The following RERE variants were observed in gnomAD, a reference collection of about 807,000 sequenced individuals.
The protein encoded by RERE is arginine-glutamic acid dipeptide repeats.
In RERE, 40 loss-of-function variants were observed where a neutral mutation model predicts 146.1. The observed-to-expected ratio is 0.27, with a 90% CI of 0.21 to 0.36. The LOEUF (loss-of-function observed/expected upper bound fraction) is 0.36. Ranked by LOEUF, RERE falls within the 10% of genes least tolerant of loss-of-function variation. The pLI is 1.00. For synonymous variants in RERE, 1,003 were observed against 866.0 expected (o/e 1.16, Z -2.78); for missense variants, 1,933 against 2,138.7 (o/e 0.90, Z 1.90).
intron 11 of RERE, among the ~76,000 whole-genome samples, chr1:8,464,464 C>T (rs549194179): frequency 9.5e-4 from 144 of 152,318 alleles, no homozygotes; most frequent in African/African-American, 2.3e-3. Context: ...CCGGACTCAG[C>T]GGCCAGTGTG....
intron 11 of RERE, among the ~76,000 whole-genome samples, chr1:8,433,788 C>T (rs1388321347): frequency 1.3e-5 from 2 of 151,588 alleles, no homozygotes; most frequent in Non-Finnish European, 1.5e-5. Flanking sequence ...TCTCGATCTC[C>T]TGACCTCATG....
At chr1:8,357,872 C>T (rs1452925605) in intron 20 of RERE, among the ~76,000 whole-genome samples, 1 of 152,242 alleles carries the variant, frequency 6.6e-6, no homozygotes, top group African/African-American at 2.4e-5. Context: ...CCAAAGGCCA[C>T]ATGACACTGC....
At chr1:8,396,980 G>C (rs551246002) in intron 12 of RERE, among the ~76,000 whole-genome samples, 11 of 152,342 alleles carry the variant, frequency 7.2e-5, no homozygotes, top group African/African-American at 2.6e-4. Context: ...TCTACCACGT[G>C]ACTGTATACA....
intron 2 of RERE, among the ~76,000 whole-genome samples, chr1:8,625,380 A>C (rs1026083879): frequency 3.9e-5 from 6 of 152,220 alleles, no homozygotes; most frequent in Non-Finnish European, 8.8e-5. Context: ...TAAGATCATC[A>C]TAAAGCTTAG....
intron 1 of RERE, among the ~76,000 whole-genome samples, chr1:8,811,376 G>A (rs924988513): frequency 2.6e-5 from 4 of 152,188 alleles, no homozygotes; most frequent in African/African-American, 9.7e-5. Context: ...GGTGGCCAAG[G>A]TAGGAGGATC....
intron 12 of RERE, among the ~76,000 whole-genome samples, chr1:8,379,442 C>T (rs1362286877): frequency 6.6e-6 from 1 of 152,202 alleles, no homozygotes; most frequent in East Asian, 1.9e-4. Flanking sequence ...GGGTTCCTCA[C>T]ATCAACAGAC....
At chr1:8,501,879 G>A (rs1425693432) in intron 8 of RERE, among the ~76,000 whole-genome samples, 1 of 113,464 alleles carries the variant, frequency 8.8e-6, no homozygotes, top group Admixed American at 8.8e-5. Context: ...CCGTCCGGGA[G>A]GCAGGTGGGG....
chr1:8,800,313 T>C (rs1485394402), intron 1 of RERE, among the ~76,000 whole-genome samples: 1 of 152,008 alleles, frequency 6.6e-6, no homozygotes, highest in African/African-American at 2.4e-5. Flanking sequence ...TTGCAGTCTT[T>C]AAAGAGTAAA....
At chr1:8,597,951 C>A (rs1646575733) in intron 4 of RERE, among the ~76,000 whole-genome samples, 1 of 151,966 alleles carries the variant, frequency 6.6e-6, no homozygotes, top group African/African-American at 2.4e-5. Flanking sequence ...GAAAATAAGA[C>A]CAACAGTTGT....
chr1:8,490,099 A>C (rs1442983661), intron 10 of RERE, among the ~76,000 whole-genome samples: 1 of 150,898 alleles, frequency 6.6e-6, no homozygotes, highest in Non-Finnish European at 1.5e-5. Context: ...GCAGTGGCTC[A>C]CGCCTGTAAT....
At chr1:8,638,531 A>G (rs1316012479) in intron 2 of RERE, among the ~76,000 whole-genome samples, 2 of 152,200 alleles carry the variant, frequency 1.3e-5, no homozygotes, top group Non-Finnish European at 2.9e-5. Flanking sequence ...AGCAGCCAGA[A>G]CAGTTCAGAT....
At chr1:8,393,594 T>C (rs570038271) in intron 12 of RERE, among the ~76,000 whole-genome samples, 40 of 152,304 alleles carry the variant, frequency 2.6e-4, no homozygotes, top group African/African-American at 9.4e-4. Flanking sequence ...TAAAGCATAA[T>C]GGGCATCTCC....
chr1:8,561,568 T>C (rs1646078886), intron 4 of RERE, among the ~76,000 whole-genome samples: 1 of 152,206 alleles, frequency 6.6e-6, no homozygotes, highest in Non-Finnish European at 1.5e-5. Flanking sequence ...CATTCTTACA[T>C]GTTTATATCT....
chr1:8,376,859 G>A (rs1249229101), intron 12 of RERE, among the ~76,000 whole-genome samples: 1 of 152,158 alleles, frequency 6.6e-6, no homozygotes, highest in African/African-American at 2.4e-5. Context: ...GCTCAAAACC[G>A]TACAGGTGTT....
chr1:8,443,912 T>C (rs963859451), intron 11 of RERE, among the ~76,000 whole-genome samples: 1 of 152,176 alleles, frequency 6.6e-6, no homozygotes, highest in Admixed American at 6.5e-5. Context: ...ATGTATCAGG[T>C]GCCCAGGCCA....
At chr1:8,531,007 TTCTATCTATCTA>T (rs199738689) in intron 7 of RERE, among the ~76,000 whole-genome samples, 6,287 of 140,292 alleles carry the variant, frequency 0.045, 158 homozygotes, top group Admixed American at 0.059. Context: ...GAACTGAGTT[TTCTATCTATCTA>T]TCTATCTATC....
chr1:8,497,631 A>T (rs7530745), intron 8 of RERE, 102 bp from the exon 9 acceptor site: 1 of 1,236,892 alleles, frequency 8.1e-7, no homozygotes, highest in Non-Finnish European at 1.1e-6. Flanking sequence ...TTTTACTGAG[A>T]CTCTTTCCTT....
At chr1:8,431,390 T>C (rs774930061) in intron 11 of RERE, among the ~76,000 whole-genome samples, 3 of 152,238 alleles carry the variant, frequency 2.0e-5, no homozygotes, top group Non-Finnish European at 2.9e-5. Context: ...GATCTGTCAC[T>C]GTTTTCCATC....
At chr1:8,712,453 G>A (rs1435785891) in intron 1 of RERE, among the ~76,000 whole-genome samples, 1 of 152,158 alleles carries the variant, frequency 6.6e-6, no homozygotes, top group Non-Finnish European at 1.5e-5. Context: ...CTACAGTGAA[G>A]AATACGAGAG....
Sources: allele counts gnomAD v4.1 joint callset (sites outside exome capture counted in the v4.1 genomes callset), GRCh38; gene constraint gnomAD v4.1.1; transcripts MANE v1.5; gene names NCBI Gene and HGNC (gene_info 2026-07-23, HGNC 2026-07-21).